The following PRDM8 variants were observed in gnomAD, a reference collection of about 807,000 sequenced individuals.
PRDM8 encodes PR domain zinc finger protein 8.
Under a neutral mutation model 46.5 loss-of-function variants are expected in PRDM8, and 13 were observed. The ratio of observed to expected loss-of-function variants is 0.28; its 90% confidence interval spans 0.18 to 0.44. The LOEUF (loss-of-function observed/expected upper bound fraction) is 0.44, where lower values mean the gene tolerates loss of function less well. Ranked by LOEUF, PRDM8 falls within the 20% of genes least tolerant of loss-of-function variation. The pLI is 1.00. For missense variants in PRDM8, 998 were observed against 955.0 expected, an observed-to-expected ratio of 1.04 and a Z score of -0.59; for synonymous variants, 473 against 438.4, an observed-to-expected ratio of 1.08 and a Z score of -0.98.
intron 1 of PRDM8, among the ~76,000 whole-genome samples, chr4:80,185,985 A>G (rs1489295486): frequency 6.6e-6 from 1 of 152,198 alleles, no homozygotes; most frequent in Admixed American, 6.5e-5. Context: ...GGCGGGGGCC[A>G]CCGTCGCTGC....
At chr4:80,194,425 T>C (rs1737792158), upstream of PRDM8, among the ~76,000 whole-genome samples, 2 of 152,220 alleles carry the variant, frequency 1.3e-5, no homozygotes, top group Non-Finnish European at 2.9e-5. Context: ...TCATTTAGTA[T>C]CAGTGAATTC....
chr4:80,200,179 C>G lies in PRDM8; in HGVS notation c.99C>G (p.Cys33Trp). Reference protein sequence around the residue: ...TDIFTSVYTTCDIPENAIFGP... With the variant: ...TDIFTSVYTTWDIPENAIFGP... The stretch of plus-strand genomic sequence containing the variant: ...TTTTTACCAGCGTTTACACCACCTG[C>G]GACATCCCTGAGAATGCTATATTTG... Residue 33 changes from cysteine to tryptophan, a missense_variant, in exon 2 of 4, where the codon TGC becomes TGG. Coordinates refer to ENST00000415738, the MANE Select transcript of PRDM8 (RefSeq NM_001099403.2). The G allele has an allele frequency of 6.2e-7, 1 of 1,614,020 alleles. No individual in the cohort carries two copies. Among genetic ancestry groups the G allele is most frequent in the Admixed American group, 1.7e-5 (1 of 60,010 alleles).
At chr4:80,194,190 CA>C (rs1167020372), upstream of PRDM8, 1 of 981,748 alleles carries the variant, frequency 1.0e-6, no homozygotes, top group East Asian at 1.1e-4. Context: ...CAGTTTCCTA[CA>C]TGTGTATTTT....
At position 80,202,697 on chromosome 4, in the gene PRDM8, A is replaced by C; in HGVS notation, c.1235A>C (p.Glu412Ala). 1 of 1,327,194 alleles carries C rather than the reference A, an allele frequency of 7.5e-7. No homozygotes were observed. The allele number at this position is 1,327,194 out of a possible 1,614,324, so 82.2% of individuals were successfully genotyped here. ...GTADGAGVASEDQDAGGGGGS... is the reference protein window; with the variant it reads ...GTADGAGVASADQDAGGGGGS... ...GCCGACGGCGCGGGAGTCGCCTCCGAGGACCAGGACGCTGGCGGCGGCGGC... is the reference window on the plus strand; with the variant it reads ...GCCGACGGCGCGGGAGTCGCCTCCGCGGACCAGGACGCTGGCGGCGGCGGC... The change falls in exon 4 of 4, where the codon GAG (glutamate) becomes GCG (alanine). Residue 412 changes from glutamate to alanine, a missense_variant. Coordinates refer to ENST00000415738, the MANE Select transcript of PRDM8 (RefSeq NM_001099403.2).
Position 80,197,625 on chromosome 4 carries a change from G to C in PRDM8, c.-141G>C. 1 of 981,430 alleles carries C rather than the reference G, an allele frequency of 1.0e-6. No homozygotes were observed. Among genetic ancestry groups the C allele is most frequent in the Non-Finnish European group, 1.2e-6 (1 of 826,982 alleles). The allele number at this position is 981,430 out of a possible 1,614,324, so 60.8% of individuals were successfully genotyped here. A position where few individuals can be genotyped will look rare whatever the true frequency, so the allele number is the denominator to read the frequency against. ...CTCCATCTCTCTCTTATCTCTTCAGGAAGAGCCTAAAAGGCGGCAACACCA... is the reference window on the plus strand; with the variant it reads ...CTCCATCTCTCTCTTATCTCTTCAGCAAGAGCCTAAAAGGCGGCAACACCA... On this transcript the variant is annotated 5_prime_UTR_variant, in exon 1 of 4. Coordinates refer to ENST00000415738, the MANE Select transcript of PRDM8 (RefSeq NM_001099403.2).
Position 80,202,649 on chromosome 4 carries a change from C to T in PRDM8, c.1187C>T (p.Ala396Val). The T allele has an allele frequency of 6.6e-7, 1 of 1,504,004 alleles. No homozygotes were observed. The highest frequency in any genetic ancestry group is 1.4e-5 in the African/African-American group (1 of 70,008). 93.2% of individuals were successfully genotyped at this position (1,504,004 alleles called of 1,614,324 possible). A position where few individuals can be genotyped will look rare whatever the true frequency, so the allele number is the denominator to read the frequency against. ...GAGGTGAAGAAGGCTGCCCGCGCGGCCAGCCTGCAGGAGGAGGGGACAGCC... is the reference window on the plus strand; with the variant it reads ...GAGGTGAAGAAGGCTGCCCGCGCGGTCAGCCTGCAGGAGGAGGGGACAGCC... ...FVEVKKAARA[A>V]SLQEEGTADG... is the part of the protein sequence containing the mutation. The change falls in exon 4 of 4, where the codon GCC becomes GTC. Residue 396 changes from alanine to valine, a missense_variant. By Grantham distance (64) the Ala-to-Val change is moderately conservative. Transcript: ENST00000415738.
Position 80,188,407 on chromosome 4 carries a change from A to G in PRDM8, c.-983+2889A>G, listed in dbSNP as rs576769934. 6.6e-5 allele frequency among the ~76,000 whole-genome samples: 10 copies of G among 152,352 alleles called. No homozygotes were observed. In the South Asian group the frequency reaches 2.1e-3, roughly 32 times the overall value. ...ATCCCCCTGCTTCACAGGAAACAAA[A>G]GCATAGAGATACTAACTAACTCAAG... is the stretch of plus-strand genomic sequence containing the variant. On this transcript the variant is annotated intron_variant, in intron 1 of 9. Transcript: ENST00000339711.
chr4:80,194,319 T>C (rs1206374578), upstream of PRDM8: 1 of 673,204 alleles, frequency 1.5e-6, no homozygotes, highest in East Asian at 1.4e-4. Context: ...GCTCCAAATA[T>C]ATGCATAAAC....
rs1406200402 is a variant in PRDM8 at position 80,203,163 on chromosome 4, C to T, written c.1701C>T (p.Gly567=). 2 of 1,542,512 alleles carry T rather than the reference C, an allele frequency of 1.3e-6. No individual in the cohort carries two copies. The highest frequency in any genetic ancestry group is 2.4e-5 in the South Asian group (2 of 84,666). The change falls in exon 4 of 4, where the codon GGC becomes GGT. Residue 567 remains glycine, a synonymous_variant. Coordinates refer to ENST00000415738, the MANE Select transcript of PRDM8 (RefSeq NM_001099403.2). Reference sequence around the variant, plus strand: ...GCGGGTCCCTGCCGAGCGGCGGCGGCGGCCTGCCTAAGCAGAGCCCCTTCC... The same window carrying T: ...GCGGGTCCCTGCCGAGCGGCGGCGGTGGCCTGCCTAAGCAGAGCCCCTTCC... The part of the protein sequence containing the change: ...GGCGSLPSGG[G]GLPKQSPFLY...
At chr4:80,199,709 A>ATGTGTGTGTG (rs34334135) in intron 1 of PRDM8, among the ~76,000 whole-genome samples, 1,784 of 132,976 alleles carry the variant, frequency 0.013, 11 homozygotes, top group East Asian at 0.04. Flanking sequence ...ATATATATAT[A>ATGTGTGTGTG]TGTGTGTGTG....
At chr4:80,193,342 C>A (rs1737692871), upstream of PRDM8, among the ~76,000 whole-genome samples, 1 of 152,086 alleles carries the variant, frequency 6.6e-6, no homozygotes, top group Non-Finnish European at 1.5e-5. Flanking sequence ...CTTCCCACAC[C>A]CCACCCCCTC....
rs17004836 is a variant in PRDM8 at position 80,190,824 on chromosome 4, T to G, written c.-982-648T>G. ...CTAATTCAGTCCCCCAGGTTAGAAA[T>G]GAAACTCGTTGCATTCGGTGCATTG... is the stretch of plus-strand genomic sequence containing the variant. On this transcript the variant is annotated intron_variant, in intron 1 of 9. Transcript: ENST00000339711. Among the ~76,000 whole-genome samples, 714 of 152,308 alleles carry G rather than the reference T, an allele frequency of 4.7e-3. 8 individuals are homozygous for G. Among genetic ancestry groups the G allele is most frequent in the African/African-American group, 0.016 (669 of 41,560 alleles).
Position 80,203,794 on chromosome 4 carries a change from G to A in PRDM8, c.*262G>A, listed in dbSNP as rs1354514823. 2 of 347,768 alleles carry A rather than the reference G, an allele frequency of 5.8e-6. No individual in the cohort carries two copies. Among genetic ancestry groups the A allele is most frequent in the East Asian group, 1.2e-4 (2 of 17,228 alleles). The allele number at this position is 347,768 out of a possible 1,614,324, so 21.5% of individuals were successfully genotyped here. On this transcript the variant is annotated 3_prime_UTR_variant, in exon 4 of 4. Transcript: ENST00000415738. ...CACACACAAGAGCCAGGATGGTGGA[G>A]TTTTGATTGGGTGGGTTGTTTGAGG... is the stretch of plus-strand genomic sequence containing the variant.
rs1413112507 is a variant in PRDM8, at chr4:80,198,980, G to GTT, written c.-2-1087_-2-1086dup. Among the ~76,000 whole-genome samples, 129 of 104,194 alleles carry GTT rather than the reference G, an allele frequency of 1.2e-3. 5 individuals carry two copies. Among genetic ancestry groups the GTT allele is most frequent in the African/African-American group, 3.4e-3 (99 of 28,776 alleles). The allele number at this position is 104,194 out of a possible 152,430, so 68.4% of individuals were successfully genotyped here. On this transcript the variant is annotated intron_variant, in intron 1 of 3. Coordinates refer to ENST00000415738, the MANE Select transcript of PRDM8 (RefSeq NM_001099403.2). Reference sequence around the variant, plus strand: ...AATTTAAATACCTGGGTTTTTTTGGGTTTTTTTTTTTTTGTTTTTTTTTTT... The same window carrying GTT: ...AATTTAAATACCTGGGTTTTTTTGGGTTTTTTTTTTTTTTTGTTTTTTTTTTT...
At position 80,203,598 on chromosome 4, in the gene PRDM8, C is replaced by T; in HGVS notation, c.*66C>T. On this transcript the variant is annotated 3_prime_UTR_variant, in exon 4 of 4. Coordinates refer to ENST00000415738, the MANE Select transcript of PRDM8 (RefSeq NM_001099403.2). ...GTTAAGCCACCTGCAGGAATAAACA[C>T]GCGAGAACATCCACCGCTTCCTTGC... 2.0e-6 allele frequency: 3 copies of T among 1,504,206 alleles called. No homozygotes were observed. Among genetic ancestry groups the T allele is most frequent in the Non-Finnish European group, 1.8e-6 (2 of 1,123,418 alleles). 93.2% of individuals were successfully genotyped at this position (1,504,206 alleles called of 1,614,324 possible). A position where few individuals can be genotyped will look rare whatever the true frequency, so the allele number is the denominator to read the frequency against.
chr4:80,202,624 G>A lies in PRDM8; in HGVS notation c.1162G>A (p.Glu388Lys). ...CGAGGCGAAGCGCAGCGCCTTCGTG[G>A]AGGTGAAGAAGGCTGCCCGCGCGGC... ...TGEAKRSAFV[E>K]VKKAARAASL... is the part of the protein sequence containing the mutation. The change falls in exon 4 of 4, where the codon GAG (glutamate) becomes AAG (lysine). Residue 388 changes from glutamate (E) to lysine (K), a missense_variant. By Grantham distance (56) the Glu-to-Lys change is moderately conservative (BLOSUM62 1). Coordinates refer to ENST00000415738, the MANE Select transcript of PRDM8 (RefSeq NM_001099403.2). 5 of 1,529,596 alleles carry A rather than the reference G, an allele frequency of 3.3e-6. No individual in the cohort carries two copies. The highest frequency in any genetic ancestry group is 4.4e-6 in the Non-Finnish European group (5 of 1,144,270). 94.8% of individuals were successfully genotyped at this position (1,529,596 alleles called of 1,614,324 possible). A position where few individuals can be genotyped will look rare whatever the true frequency, so the allele number is the denominator to read the frequency against.
At chr4:80,195,686 A>C (rs2109869917), upstream of PRDM8, among the ~76,000 whole-genome samples, 1 of 152,262 alleles carries the variant, frequency 6.6e-6, no homozygotes, top group African/African-American at 2.4e-5. Flanking sequence ...AGCCAACCTT[A>C]GCCGAAGTAG....
At chr4:80,201,624 C>CG (rs1738455805) in intron 3 of PRDM8, 103 bp downstream of exon 3, 2 of 1,185,564 alleles carry the variant, frequency 1.7e-6, no homozygotes, top group East Asian at 4.9e-5. Context: ...TTCTTCCCTT[C>CG]GGGTGTCTCA....
chr4:80,198,980 G>GTTTTTTTTT (rs1413112507), intron 1 of PRDM8, among the ~76,000 whole-genome samples: 9 of 104,224 alleles, frequency 8.6e-5, no homozygotes, highest in South Asian at 3.9e-4. Context: ...GTTTTTTTGG[G>GTTTTTTTTT]TTTTTTTTTT....
Sources: gnomAD v4.1 joint callset for allele counts (sites outside exome capture counted in the v4.1 genomes callset) on GRCh38, gnomAD v4.1.1 for gene constraint, MANE v1.5 for transcripts, NCBI Gene and HGNC (gene_info 2026-07-23, HGNC 2026-07-21) for gene names.